Variants in NLGN1 observed in about 807,000 individuals in gnomAD.
The protein encoded by NLGN1 is neuroligin-1.
A neutral mutation model predicts 65.5 loss-of-function variants in NLGN1; 12 were observed. The ratio of observed to expected loss-of-function variants is 0.18; its 90% CI spans 0.12 to 0.30. The LOEUF (loss-of-function observed/expected upper bound fraction) is 0.30, where lower values mean the gene tolerates loss of function less well. Among genes scored for constraint, NLGN1 ranks in the 10% least tolerant of loss-of-function variants. The pLI is 1.00. For missense variants in NLGN1, 750 were observed against 1,007.1 expected, an observed-to-expected ratio of 0.74 and a Z score of 3.46; for synonymous variants, 350 against 359.5, an observed-to-expected ratio of 0.97 and a Z score of 0.30.
chr3:174,010,602 A>G (rs1341852098), intron 4 of NLGN1, among the ~76,000 whole-genome samples: 8 of 152,154 alleles, frequency 5.3e-5, no homozygotes, highest in East Asian at 1.9e-4. Context: ...TATAGACACA[A>G]TTCTTCTTAT....
At chr3:174,170,545 A>G (rs1341645468) in intron 4 of NLGN1, among the ~76,000 whole-genome samples, 3 of 152,210 alleles carry the variant, frequency 2.0e-5, no homozygotes, top group Non-Finnish European at 2.9e-5. Flanking sequence ...TTAATGAAAG[A>G]AAAGATATGG....
intron 4 of NLGN1, among the ~76,000 whole-genome samples, chr3:174,213,069 TC>T (rs972661876): frequency 9.8e-5 from 15 of 152,320 alleles, no homozygotes; most frequent in African/African-American, 3.4e-4. Context: ...CAACTTTAAC[TC>T]TCCTTTGCCA....
intron 4 of NLGN1, among the ~76,000 whole-genome samples, chr3:173,826,722 C>A (rs1007414540): frequency 1.3e-5 from 2 of 151,866 alleles, no homozygotes; most frequent in African/African-American, 4.8e-5. Context: ...GTGCTTCTGA[C>A]CTGAAGGAGC....
chr3:173,700,440 C>T (rs1051459580), intron 3 of NLGN1, among the ~76,000 whole-genome samples: 2 of 152,154 alleles, frequency 1.3e-5, no homozygotes, highest in African/African-American at 4.8e-5. Context: ...ACTTTGTACT[C>T]TACAGGCAGA....
intron 3 of NLGN1, among the ~76,000 whole-genome samples, chr3:173,735,798 A>G (rs370878134): frequency 6.6e-6 from 1 of 152,160 alleles, no homozygotes; most frequent in African/African-American, 2.4e-5. Flanking sequence ...AAGTTGACTC[A>G]TATTGCACAA....
intron 1 of NLGN1, among the ~76,000 whole-genome samples, chr3:173,401,731 T>TA (rs1289255523): frequency 6.6e-6 from 1 of 152,168 alleles, no homozygotes; most frequent in Non-Finnish European, 1.5e-5. Flanking sequence ...TTTGAAAACT[T>TA]AGTGTTTGCC....
intron 4 of NLGN1, among the ~76,000 whole-genome samples, chr3:174,099,617 A>C (rs976102224): frequency 1.3e-5 from 2 of 152,200 alleles, no homozygotes; most frequent in African/African-American, 4.8e-5. Context: ...AGTGATTAAA[A>C]CTTATTTAGT....
At chr3:174,038,904 C>G (rs1335739023) in intron 4 of NLGN1, among the ~76,000 whole-genome samples, 1 of 152,170 alleles carries the variant, frequency 6.6e-6, no homozygotes, top group Non-Finnish European at 1.5e-5. Flanking sequence ...CTTAATCTCT[C>G]TCCTTCCATA....
intron 4 of NLGN1, among the ~76,000 whole-genome samples, chr3:173,928,167 T>C (rs915479258): frequency 2.0e-5 from 3 of 152,210 alleles, no homozygotes; most frequent in Non-Finnish European, 4.4e-5. Flanking sequence ...ATTGTTAATC[T>C]TATAAATTGG....
chr3:174,178,280 G>A (rs564490576), intron 4 of NLGN1, among the ~76,000 whole-genome samples: 1 of 152,204 alleles, frequency 6.6e-6, no homozygotes, highest in South Asian at 2.1e-4. Flanking sequence ...TCCCAATACA[G>A]TGTGTGTAGT....
intron 4 of NLGN1, among the ~76,000 whole-genome samples, chr3:174,261,137 C>T (rs1447150919): frequency 6.6e-6 from 1 of 152,062 alleles, no homozygotes; most frequent in Admixed American, 6.6e-5. Flanking sequence ...CAGCTTTGTT[C>T]TTTTGGCTTA....
chr3:173,648,953 G>A (rs956963880), intron 3 of NLGN1, among the ~76,000 whole-genome samples: 1 of 152,078 alleles, frequency 6.6e-6, no homozygotes, highest in Non-Finnish European at 1.5e-5. Context: ...AAAAATTTGT[G>A]CATGAATGTT....
chr3:173,856,341 A>G (rs912495502), intron 4 of NLGN1, among the ~76,000 whole-genome samples: 18 of 152,124 alleles, frequency 1.2e-4, no homozygotes, highest in African/African-American at 4.3e-4. Flanking sequence ...TTTAATCCTT[A>G]AAACAACCTA....
At chr3:174,270,219 C>A (rs111772931) in intron 4 of NLGN1, among the ~76,000 whole-genome samples, 125 of 140,006 alleles carry the variant, frequency 8.9e-4, no homozygotes, top group African/African-American at 3.2e-3. Flanking sequence ...GGTTTAATAT[C>A]CAAGAAATCA....
At chr3:173,439,488 C>T (rs1718751583) in intron 2 of NLGN1, among the ~76,000 whole-genome samples, 1 of 150,100 alleles carries the variant, frequency 6.7e-6, no homozygotes, top group Admixed American at 6.6e-5. Context: ...TTTGAAGAAG[C>T]TGAAGTTTAT....
intron 4 of NLGN1, among the ~76,000 whole-genome samples, chr3:174,220,966 G>A (rs976543121): frequency 7.2e-5 from 11 of 152,106 alleles, no homozygotes; most frequent in African/African-American, 2.7e-4. Context: ...AGAATAAATG[G>A]CAAGAAAAAA....
intron 4 of NLGN1, among the ~76,000 whole-genome samples, chr3:174,097,659 C>A (rs1305139954): frequency 6.6e-6 from 1 of 152,010 alleles, no homozygotes; most frequent in African/African-American, 2.4e-5. Context: ...GTGAGTTTAT[C>A]CAGCCAGCTA....
chr3:173,710,079 TA>T (rs1768716202), intron 3 of NLGN1, among the ~76,000 whole-genome samples: 1 of 152,172 alleles, frequency 6.6e-6, no homozygotes, highest in Non-Finnish European at 1.5e-5. Flanking sequence ...TATCTTTAAT[TA>T]AGTTTGAGAT....
chr3:173,955,513 A>G (rs1158630488), intron 4 of NLGN1, among the ~76,000 whole-genome samples: 1 of 152,200 alleles, frequency 6.6e-6, no homozygotes, highest in African/African-American at 2.4e-5. Context: ...ATACACCTCC[A>G]GAACAATGCT....
Sources: allele counts gnomAD v4.1 joint callset (sites outside exome capture counted in the v4.1 genomes callset), GRCh38; gene constraint gnomAD v4.1.1; transcripts MANE v1.5; gene names NCBI Gene and HGNC (gene_info 2026-07-23, HGNC 2026-07-21).